The following ARHGAP15 variants were observed in gnomAD, a reference collection of about 807,000 sequenced individuals.
The protein encoded by ARHGAP15 is rho GTPase-activating protein 15.
ARHGAP15 carries 51 observed loss-of-function variants against 63.7 expected under a neutral mutation model. The ratio of observed to expected loss-of-function variants is 0.80; its 90% CI spans 0.64 to 1.01. The LOEUF (loss-of-function observed/expected upper bound fraction) is 1.01, where lower values mean the gene tolerates loss of function less well. Ranked by LOEUF, ARHGAP15 falls within the 50% of genes least tolerant of loss-of-function variation. The pLI, the probability that ARHGAP15 is intolerant of heterozygous loss-of-function variation, is 0.00. For synonymous variants in ARHGAP15, 191 were observed against 193.8 expected, an observed-to-expected ratio of 0.99 and a Z score of 0.12; for missense variants, 560 against 564.6, an observed-to-expected ratio of 0.99 and a Z score of 0.08.
intron 9 of ARHGAP15, among the ~76,000 whole-genome samples, chr2:143,497,585 C>A (rs1280745665): frequency 6.6e-6 from 1 of 152,128 alleles, no homozygotes; most frequent in African/African-American, 2.4e-5. Context: ...TTCTTGTTAG[C>A]TTTTCAGGGC....
intron 1 of ARHGAP15, among the ~76,000 whole-genome samples, chr2:143,154,596 A>T (rs1274947646): frequency 6.6e-6 from 1 of 151,860 alleles, no homozygotes; most frequent in African/African-American, 2.4e-5. Context: ...AAATGAGAAG[A>T]TGTGTTTGTA....
At chr2:143,516,594 C>T (rs1235761998) in intron 9 of ARHGAP15, among the ~76,000 whole-genome samples, 1 of 152,130 alleles carries the variant, frequency 6.6e-6, no homozygotes, top group Non-Finnish European at 1.5e-5. Context: ...ATATGCCTAC[C>T]TCATTGCTGT....
chr2:143,500,860 T>C (rs1412955785), intron 9 of ARHGAP15, among the ~76,000 whole-genome samples: 1 of 152,204 alleles, frequency 6.6e-6, no homozygotes, highest in African/African-American at 2.4e-5. Context: ...TCATTCTCTT[T>C]CAACAGTTGT....
chr2:143,696,481 C>G (rs1043003146), intron 12 of ARHGAP15, among the ~76,000 whole-genome samples: 1 of 151,838 alleles, frequency 6.6e-6, no homozygotes, highest in Non-Finnish European at 1.5e-5. Flanking sequence ...TTTAGAAGAT[C>G]ATTCTTAACA....
chr2:143,660,594 G>T (rs181219511), intron 12 of ARHGAP15, among the ~76,000 whole-genome samples: 1 of 152,164 alleles, frequency 6.6e-6, no homozygotes, highest in Non-Finnish European at 1.5e-5. Context: ...CTCACTTAGC[G>T]ACAGACCTGT....
chr2:143,368,006 A>G (rs1686370035), intron 6 of ARHGAP15, among the ~76,000 whole-genome samples: 1 of 152,038 alleles, frequency 6.6e-6, no homozygotes, highest in South Asian at 2.1e-4. Flanking sequence ...ATTTCAAGAG[A>G]GAGATGTTTA....
chr2:143,454,732 A>G (rs1690566147), intron 8 of ARHGAP15, among the ~76,000 whole-genome samples: 1 of 152,098 alleles, frequency 6.6e-6, no homozygotes, highest in Non-Finnish European at 1.5e-5. Context: ...ATACAAGCGG[A>G]TTAACTCAGA....
intron 1 of ARHGAP15, among the ~76,000 whole-genome samples, chr2:143,153,840 TTCTTCC>T (rs1299259207): frequency 2.2e-3 from 173 of 78,334 alleles, no homozygotes; most frequent in African/African-American, 8.0e-3. Context: ...CTTCTTCTTC[TTCTTCC>T]TCCTCCTCCT....
At chr2:143,161,274 A>T (rs1441713048) in intron 2 of ARHGAP15, among the ~76,000 whole-genome samples, 1 of 151,948 alleles carries the variant, frequency 6.6e-6, no homozygotes, top group Non-Finnish European at 1.5e-5. Flanking sequence ...AAAACAGGCT[A>T]TTCATAGAGT....
intron 12 of ARHGAP15, among the ~76,000 whole-genome samples, chr2:143,658,905 GT>G (rs1363571964): frequency 1.3e-5 from 2 of 152,206 alleles, no homozygotes. Flanking sequence ...CAGGGACTGA[GT>G]TCGGCTAATG....
Position 143,142,096 on chromosome 2 carries a change from A to T in ARHGAP15, c.-15+12630A>T, listed in dbSNP as rs75080749. On this transcript the variant is annotated intron_variant, in intron 1 of 13. Transcript: ENST00000295095. The stretch of plus-strand genomic sequence containing the variant: ...TAGACATACTTTTCTGTTTTTTTTT[A>T]AAAGTAACAACCCTCATTTTTCAAT... Among the ~76,000 whole-genome samples the T allele has an allele frequency of 7.7e-3, 1,171 of 151,980 alleles. 14 individuals carry two copies. The highest frequency in any genetic ancestry group is 0.027 in the African/African-American group (1,107 of 41,446).
At chr2:143,322,158 C>T (rs1242094885) in intron 6 of ARHGAP15, among the ~76,000 whole-genome samples, 1 of 152,182 alleles carries the variant, frequency 6.6e-6, no homozygotes, top group Non-Finnish European at 1.5e-5. Context: ...CAACCACTCC[C>T]TGCCACGCCC....
rs376795708 is a variant in ARHGAP15, at chr2:143,704,752, A to T, written c.1244+1228A>T. On this transcript the variant is annotated intron_variant, in intron 13 of 13. Transcript: ENST00000295095. ...GATTGAGCAGTTTTGCTTTTGTGAG[A>T]TTAAATCTCCTTAAACACCTCAATC... is the stretch of plus-strand genomic sequence containing the variant. Among the ~76,000 whole-genome samples, 3 of 152,272 alleles carry T rather than the reference A, an allele frequency of 2.0e-5. No individual in the cohort carries two copies. In the South Asian group the frequency reaches 6.2e-4, roughly 32 times the overall value.
chr2:143,228,624 A>G lies in ARHGAP15; in HGVS notation c.340A>G (p.Ile114Val). ...CTGGATTGTTCTTTCTAGTCGAAGA[A>G]TTGAATTTTACAAAGAATCCAAGCA... ...TSWIVLSSRRIEFYKESKQQA... is the reference protein window; with the variant it reads ...TSWIVLSSRRVEFYKESKQQA... The change falls in exon 5 of 14, where the codon ATT becomes GTT. Residue 114 changes from isoleucine to valine, a missense_variant. By Grantham distance (29) the Ile-to-Val change is conservative (BLOSUM62 3). Coordinates refer to ENST00000295095, the MANE Select transcript of ARHGAP15 (RefSeq NM_018460.4). 1.2e-6 allele frequency: 2 copies of G among 1,609,928 alleles called. No homozygotes were observed. The highest frequency in any genetic ancestry group is 8.5e-7 in the Non-Finnish European group (1 of 1,178,182).
intron 6 of ARHGAP15, among the ~76,000 whole-genome samples, chr2:143,403,390 T>C (rs1338845837): frequency 5.3e-5 from 8 of 151,872 alleles, no homozygotes; most frequent in African/African-American, 1.9e-4. Flanking sequence ...TGGGACTTAA[T>C]ATATTTCTTC....
chr2:143,197,920 C>G (rs890869634), intron 2 of ARHGAP15, among the ~76,000 whole-genome samples: 1 of 151,708 alleles, frequency 6.6e-6, no homozygotes, highest in Admixed American at 6.6e-5. Flanking sequence ...TTTTTATGCA[C>G]GTGGAGGCTC....
intron 4 of ARHGAP15, among the ~76,000 whole-genome samples, chr2:143,227,029 TA>T (rs753681807): frequency 3.3e-5 from 5 of 151,518 alleles, no homozygotes; most frequent in South Asian, 2.1e-4. Context: ...TCCATAAACT[TA>T]AAAAAAAATC....
chr2:143,686,856 C>T (rs1309138596), intron 12 of ARHGAP15, among the ~76,000 whole-genome samples: 1 of 152,154 alleles, frequency 6.6e-6, no homozygotes, highest in Non-Finnish European at 1.5e-5. Context: ...GAGCCAAAAA[C>T]CTTAATTCTT....
chr2:143,408,202 C>G (rs1331824507), intron 6 of ARHGAP15, among the ~76,000 whole-genome samples: 1 of 149,286 alleles, frequency 6.7e-6, no homozygotes, highest in Non-Finnish European at 1.5e-5. Context: ...TTTCTTTGGA[C>G]AGTCTCTCTC....
Sources: allele counts gnomAD v4.1 joint callset (sites outside exome capture counted in the v4.1 genomes callset), GRCh38; gene constraint gnomAD v4.1.1; transcripts MANE v1.5; gene names NCBI Gene and HGNC (gene_info 2026-07-23, HGNC 2026-07-21).